Variants in GRK3 observed in about 807,000 individuals in gnomAD.
GRK3 encodes G protein-coupled receptor kinase 3, also known as adrenergic, beta, receptor kinase 2.
In GRK3, 54 loss-of-function variants were observed where a neutral mutation model predicts 95.7. The ratio of observed to expected loss-of-function variants is 0.56; its 90% CI spans 0.45 to 0.71. The LOEUF (loss-of-function observed/expected upper bound fraction) is 0.71, where lower values mean the gene tolerates loss of function less well. Ranked by LOEUF, GRK3 falls within the 30% of genes least tolerant of loss-of-function variation. The pLI, the probability that GRK3 is intolerant of heterozygous loss-of-function variation, is 0.00. For synonymous variants in GRK3, 281 were observed against 290.8 expected (o/e 0.97, Z 0.34); for missense variants, 649 against 851.2 (o/e 0.76, Z 2.96).
At chr22:25,637,475 A>T (rs1430365029) in intron 2 of GRK3, among the ~76,000 whole-genome samples, 4 of 152,224 alleles carry the variant, frequency 2.6e-5, no homozygotes, top group African/African-American at 7.2e-5. Flanking sequence ...TGAAAATATC[A>T]CAATCTACTT....
At chr22:25,651,874 A>AAG (rs2084833651) in intron 3 of GRK3, among the ~76,000 whole-genome samples, 2 of 152,216 alleles carry the variant, frequency 1.3e-5, no homozygotes, top group Non-Finnish European at 2.9e-5. Flanking sequence ...TTTCGTCTTC[A>AAG]GTGTCTTAAT....
chr22:25,675,246 T>A, intron 8 of GRK3, among the ~76,000 whole-genome samples: 1 of 152,138 alleles, frequency 6.6e-6, no homozygotes, highest in Non-Finnish European at 1.5e-5. Flanking sequence ...GCATAAGCCG[T>A]TGTGGCATTT....
chr22:25,714,260 T>C, intron 17 of GRK3, 148 bp from the exon 18 acceptor site: 1 of 603,588 alleles, frequency 1.7e-6, no homozygotes, highest in Non-Finnish European at 2.8e-6. Flanking sequence ...TTATGATAAC[T>C]AAGAACCTGC....
chr22:25,573,232 CTGAG>C (rs532154144), intron 1 of GRK3, among the ~76,000 whole-genome samples: 22 of 152,306 alleles, frequency 1.4e-4, no homozygotes, highest in African/African-American at 5.1e-4. Flanking sequence ...CATTACTGAG[CTGAG>C]TAAGAATATC....
intron 2 of GRK3, among the ~76,000 whole-genome samples, chr22:25,621,383 A>G (rs1476476109): frequency 6.6e-6 from 1 of 152,184 alleles, no homozygotes; most frequent in African/African-American, 2.4e-5. Flanking sequence ...CAGAACTAGT[A>G]TATTGATTCA....
rs1025786169 is a variant in GRK3, at chr22:25,647,020, CAAAAAAAAAAAAA to C, written c.264+2366_264+2378del. ...TGGGTGACCGAGGGAGACTTTGTCT[CAAAAAAAAAAAAA>C]AAAAAAAAAAGAAAAAGAAAAAAAA... On this transcript the variant is annotated intron_variant, in intron 3 of 20. Coordinates refer to ENST00000324198, the MANE Select transcript of GRK3 (RefSeq NM_005160.4). Among the ~76,000 whole-genome samples, 18 of 54,010 alleles carry C rather than the reference CAAAAAAAAAAAAA, an allele frequency of 3.3e-4. 1 individual carries two copies. The South Asian group carries it at 0.01, about 30-fold the overall frequency. The allele number at this position is 54,010 out of a possible 152,430, so 35.4% of individuals were successfully genotyped here.
chr22:25,644,281 G>T (rs2084764642), intron 2 of GRK3, among the ~76,000 whole-genome samples: 1 of 151,816 alleles, frequency 6.6e-6, no homozygotes, highest in African/African-American at 2.4e-5. Context: ...TCACTACAAT[G>T]GTCAGCGGCT....
At chr22:25,613,790 C>T (rs1405364270) in intron 2 of GRK3, among the ~76,000 whole-genome samples, 2 of 152,190 alleles carry the variant, frequency 1.3e-5, no homozygotes, top group Non-Finnish European at 2.9e-5. Flanking sequence ...CCGCCACATG[C>T]CCCCGCAGTG....
At chr22:25,650,706 C>A (rs921796023) in intron 3 of GRK3, among the ~76,000 whole-genome samples, 2 of 152,202 alleles carry the variant, frequency 1.3e-5, no homozygotes, top group Admixed American at 6.5e-5. Context: ...ACTTAGCTAT[C>A]TTCTGAGACT....
At chr22:25,676,749 A>G (rs996717662) in intron 8 of GRK3, among the ~76,000 whole-genome samples, 1 of 152,154 alleles carries the variant, frequency 6.6e-6, no homozygotes, top group African/African-American at 2.4e-5. Flanking sequence ...ACTATTTCAC[A>G]TAACTCTCAA....
chr22:25,723,039 T>C lies in GRK3; in HGVS notation c.*589T>C, dbSNP rs2085446235. The stretch of plus-strand genomic sequence containing the variant: ...ACATGACTGCCCTGCCTCTGACCAG[T>C]CTGTTCCGGGGCCCCCTCAGCCAGG... On this transcript the variant is annotated 3_prime_UTR_variant, in exon 21 of 21. Coordinates refer to ENST00000324198, the MANE Select transcript of GRK3 (RefSeq NM_005160.4). The C allele has an allele frequency of 6.6e-6, 1 of 152,460 alleles. No individual in the cohort carries two copies. The highest frequency in any genetic ancestry group is 6.5e-5 in the Admixed American group (1 of 15,290). 9.4% of individuals were successfully genotyped at this position (152,460 alleles called of 1,614,324 possible).
chr22:25,665,926 T>C (rs1161545018), intron 5 of GRK3, among the ~76,000 whole-genome samples: 1 of 152,242 alleles, frequency 6.6e-6, no homozygotes, highest in Non-Finnish European at 1.5e-5. Context: ...CCCTAGCTTG[T>C]GCTTGAGTGC....
At chr22:25,654,755 C>T (rs1004106574) in intron 3 of GRK3, among the ~76,000 whole-genome samples, 1 of 152,140 alleles carries the variant, frequency 6.6e-6, no homozygotes, top group African/African-American at 2.4e-5. Context: ...GTGGTTATTT[C>T]CTAAGTACTT....
At chr22:25,703,624 C>T in intron 14 of GRK3, 48 bp downstream of exon 14, 2 of 1,299,902 alleles carry the variant, frequency 1.5e-6, no homozygotes, top group Non-Finnish European at 1.1e-6. Flanking sequence ...AATTGTCATG[C>T]TTCATTCCGT....
In GRK3 at chr22:25,619,737, C is replaced by T. The variant is rs554565974; in HGVS notation, c.190+15284C>T. Among the ~76,000 whole-genome samples, 8 of 149,670 alleles carry T rather than the reference C, an allele frequency of 5.3e-5. No homozygotes were observed. The South Asian group carries it at 1.7e-3, about 32-fold the overall frequency. On this transcript the variant is annotated intron_variant, in intron 2 of 20. Transcript: ENST00000324198. ...GAACTCCTGGCTTCAAGTGATCCTCCTACCCTAGCCTCCCAAAATGCTGGG... is the reference window on the plus strand; with the variant it reads ...GAACTCCTGGCTTCAAGTGATCCTCTTACCCTAGCCTCCCAAAATGCTGGG...
intron 1 of GRK3, among the ~76,000 whole-genome samples, chr22:25,582,934 G>A (rs1932152646): frequency 1.3e-5 from 2 of 152,210 alleles, no homozygotes; most frequent in Admixed American, 1.3e-4. Flanking sequence ...GAATGGATAC[G>A]AGGACATGAA....
intron 10 of GRK3, among the ~76,000 whole-genome samples, chr22:25,687,026 A>C (rs1199148912): frequency 6.6e-6 from 1 of 151,760 alleles, no homozygotes; most frequent in Non-Finnish European, 1.5e-5. Flanking sequence ...CACCATGTTG[A>C]CCAGGCTGGT....
At chr22:25,720,144 C>G (rs1212799019) in intron 19 of GRK3, among the ~76,000 whole-genome samples, 3 of 152,158 alleles carry the variant, frequency 2.0e-5, no homozygotes, top group African/African-American at 7.2e-5. Context: ...TATTATGCTA[C>G]CCACTGGCAT....
intron 1 of GRK3, among the ~76,000 whole-genome samples, chr22:25,582,444 A>T (rs968308150): frequency 1.3e-5 from 2 of 152,214 alleles, no homozygotes; most frequent in African/African-American, 4.8e-5. Flanking sequence ...CATTGTGAAG[A>T]TGTCAGGTCT....
Sources: gnomAD v4.1 joint callset for allele counts (sites outside exome capture counted in the v4.1 genomes callset) on GRCh38, gnomAD v4.1.1 for gene constraint, MANE v1.5 for transcripts, NCBI Gene and HGNC (gene_info 2026-07-23, HGNC 2026-07-21) for gene names.